MYPN: variants seen among roughly 807,000 people sequenced by gnomAD.
The protein encoded by MYPN is myopalladin, also known as sarcomeric protein myopalladin, 145 kDa (MYOP).
Under a neutral mutation model 129.4 loss-of-function variants are expected in MYPN, and 63 were observed. The observed-to-expected ratio is 0.49, with a 90% CI of 0.40 to 0.60. The LOEUF (loss-of-function observed/expected upper bound fraction) is 0.60. Among genes scored for constraint, MYPN ranks in the 20% least tolerant of loss-of-function variants. MYPN has a pLI of 0.00. For missense variants in MYPN, 1,596 were observed against 1,635.4 expected (o/e 0.98, Z 0.42); for synonymous variants, 629 against 600.9 (o/e 1.05, Z -0.68).
intron 2 of MYPN, among the ~76,000 whole-genome samples, chr10:68,126,018 G>A (rs1032214148): frequency 1.3e-5 from 2 of 152,174 alleles, no homozygotes; most frequent in East Asian, 3.8e-4. Flanking sequence ...GAGTATATGA[G>A]TTGCTTGGCC....
intron 1 of MYPN, among the ~76,000 whole-genome samples, chr10:68,117,224 T>TA (rs56780246): frequency 2.3e-3 from 296 of 125,966 alleles, no homozygotes; most frequent in Admixed American, 2.5e-3. Flanking sequence ...AACTCTGTCT[T>TA]AAAAAAAAAA....
intron 17 of MYPN, among the ~76,000 whole-genome samples, chr10:68,201,078 G>C (rs10509300): frequency 0.15 from 22,338 of 152,122 alleles, 2,131 homozygotes; most frequent in Admixed American, 0.2. Flanking sequence ...TATTCTGTAG[G>C]TGTCAGATTT....
At chr10:68,136,048 C>T (rs549870909) in intron 2 of MYPN, among the ~76,000 whole-genome samples, 2 of 152,062 alleles carry the variant, frequency 1.3e-5, no homozygotes, top group East Asian at 1.9e-4. Context: ...ATTCAAATTA[C>T]GTTTAGAAGT....
chr10:68,128,478 T>C (rs1376331457), intron 2 of MYPN, among the ~76,000 whole-genome samples: 1 of 152,208 alleles, frequency 6.6e-6, no homozygotes, highest in African/African-American at 2.4e-5. Context: ...TTTCTACTTT[T>C]TGGAAAAATC....
intron 2 of MYPN, chr10:68,136,174 A>G: frequency 2.0e-6 from 2 of 976,846 alleles, no homozygotes; most frequent in Non-Finnish European, 2.4e-6. Flanking sequence ...CATCTGAAAA[A>G]TGTGTCTCTT....
chr10:68,209,638 G>A (rs1291780949), intron 19 of MYPN, among the ~76,000 whole-genome samples: 5 of 141,910 alleles, frequency 3.5e-5, no homozygotes, highest in South Asian at 2.3e-4. Context: ...AATCACCCTC[G>A]TCACCCACTC....
chr10:68,193,781 A>G (rs2043554860), intron 13 of MYPN, among the ~76,000 whole-genome samples: 1 of 144,148 alleles, frequency 6.9e-6, no homozygotes, highest in African/African-American at 2.5e-5. Flanking sequence ...GGAAATATAT[A>G]GATAGATGTG....
At chr10:68,143,370 C>T (rs2042607446) in intron 3 of MYPN, among the ~76,000 whole-genome samples, 1 of 151,852 alleles carries the variant, frequency 6.6e-6, no homozygotes, top group Admixed American at 6.6e-5. Flanking sequence ...GTGAAAGATA[C>T]AAAAACCAAG....
At position 68,180,795 on chromosome 10, in the gene MYPN, G is replaced by C. The variant is rs192996404; in HGVS notation, c.2703+5334G>C. Among the ~76,000 whole-genome samples the C allele has an allele frequency of 3.8e-3, 575 of 152,192 alleles. 2 individuals carry two copies. Among genetic ancestry groups the C allele is most frequent in the Middle Eastern group, 0.014 (4 of 294 alleles). ...AGGATGCATCATTACATTATGGTTC[G>C]CAACAGAAAAACTGTCTCCACCAAT... On this transcript the variant is annotated intron_variant, in intron 12 of 19. Transcript: ENST00000358913.
At chr10:68,203,714 C>CACAT (rs2043760260) in intron 18 of MYPN, among the ~76,000 whole-genome samples, 1 of 80,332 alleles carries the variant, frequency 1.2e-5, no homozygotes, top group Non-Finnish European at 3.3e-5. Flanking sequence ...CACACACATA[C>CACAT]ACACACAGAG....
At chr10:68,186,454 G>T (rs1330048453) in intron 12 of MYPN, among the ~76,000 whole-genome samples, 1 of 152,120 alleles carries the variant, frequency 6.6e-6, no homozygotes, top group Non-Finnish European at 1.5e-5. Context: ...CTAGGGGCAG[G>T]TGCATATCAG....
chr10:68,117,514 A>G (rs1564644884), intron 1 of MYPN, among the ~76,000 whole-genome samples: 1 of 152,138 alleles, frequency 6.6e-6, no homozygotes, highest in Non-Finnish European at 1.5e-5. Context: ...TCAGCTAGGA[A>G]CCAAAGACCA....
intron 12 of MYPN, among the ~76,000 whole-genome samples, 156 bp from the exon 13 acceptor site, chr10:68,188,749 C>T (rs1205573024): frequency 6.6e-6 from 1 of 152,138 alleles, no homozygotes; most frequent in Non-Finnish European, 1.5e-5. Flanking sequence ...TTTAGTGCTC[C>T]ATGGTGAGAA....
chr10:68,141,015 G>T (rs2042568060), intron 2 of MYPN, among the ~76,000 whole-genome samples: 1 of 152,048 alleles, frequency 6.6e-6, no homozygotes. Flanking sequence ...TGAGGCTGGA[G>T]TGAACCATGA....
At chr10:68,110,762 A>G (rs779108053) in intron 1 of MYPN, among the ~76,000 whole-genome samples, 23 of 152,212 alleles carry the variant, frequency 1.5e-4, no homozygotes, top group Non-Finnish European at 3.1e-4. Context: ...TCATAAACAT[A>G]TTTTTTAAAA....
intron 1 of MYPN, among the ~76,000 whole-genome samples, chr10:68,095,770 A>G (rs900853183): frequency 8.3e-4 from 76 of 91,338 alleles, no homozygotes; most frequent in Non-Finnish European, 1.1e-3. Flanking sequence ...AGAGGGGAAT[A>G]GGGGGTTATT....
At chr10:68,197,129 T>C (rs2043620747) in intron 15 of MYPN, among the ~76,000 whole-genome samples, 1 of 152,108 alleles carries the variant, frequency 6.6e-6, no homozygotes, top group Non-Finnish European at 1.5e-5. Flanking sequence ...GTTTATTTGA[T>C]TGCAGATCTC....
intron 1 of MYPN, among the ~76,000 whole-genome samples, chr10:68,094,567 C>T (rs2041947178): frequency 6.6e-6 from 1 of 152,096 alleles, no homozygotes; most frequent in Non-Finnish European, 1.5e-5. Flanking sequence ...TAGCCTTGGT[C>T]TCAGCCTTAT....
chr10:68,134,715 C>T (rs1359153420), intron 2 of MYPN, among the ~76,000 whole-genome samples: 1 of 152,002 alleles, frequency 6.6e-6, no homozygotes, highest in African/African-American at 2.4e-5. Context: ...GAATCACTTG[C>T]ACCTGGGAGG....
Sources: gnomAD v4.1 joint callset for allele counts (sites outside exome capture counted in the v4.1 genomes callset) on GRCh38, gnomAD v4.1.1 for gene constraint, MANE v1.5 for transcripts, NCBI Gene and HGNC (gene_info 2026-07-23, HGNC 2026-07-21) for gene names.